Variants in ITGA4 observed in about 807,000 individuals in gnomAD.
ITGA4 encodes integrin alpha-4.
In ITGA4, 63 loss-of-function variants were observed where a neutral mutation model predicts 133.6. The observed-to-expected ratio is 0.47, with a 90% CI of 0.38 to 0.58. ITGA4 has a LOEUF of 0.58. Among genes scored for constraint, ITGA4 ranks in the 20% least tolerant of loss-of-function variants. ITGA4 has a pLI of 0.00. For synonymous variants in ITGA4, 483 were observed against 438.0 expected (o/e 1.10, Z -1.28); for missense variants, 1,076 against 1,252.7 (o/e 0.86, Z 2.13).
chr2:181,465,438 A>G (rs559583743), intron 2 of ITGA4, among the ~76,000 whole-genome samples: 5 of 151,834 alleles, frequency 3.3e-5, no homozygotes, highest in African/African-American at 7.3e-5. Flanking sequence ...TTTTTCAACC[A>G]TCCTACCCTG....
In ITGA4 at chr2:181,535,567, G is replaced by A. The variant is rs201934500; in HGVS notation, c.*40G>A. 5.2e-6 allele frequency: 8 copies of A among 1,547,968 alleles called. No individual in the cohort carries two copies. In the African/African-American group the frequency reaches 1.1e-4, roughly 21 times the overall value. ...TTGAGAGAATGGAAAACAGACTCAGGTTGTAGTAAAGAAATTTAAAAGACA... is the reference window on the plus strand; with the variant it reads ...TTGAGAGAATGGAAAACAGACTCAGATTGTAGTAAAGAAATTTAAAAGACA... On this transcript the variant is annotated 3_prime_UTR_variant, in exon 28 of 28. Coordinates refer to ENST00000397033, the MANE Select transcript of ITGA4 (RefSeq NM_000885.6).
At chr2:181,490,235 T>C (rs1686018833) in intron 10 of ITGA4, among the ~76,000 whole-genome samples, 1 of 152,308 alleles carries the variant, frequency 6.6e-6, no homozygotes, top group East Asian at 1.9e-4. Flanking sequence ...TTTTAGTTTT[T>C]ACTTTTTCTT....
intron 2 of ITGA4, among the ~76,000 whole-genome samples, chr2:181,470,070 A>T (rs1044301477): frequency 5.9e-5 from 9 of 152,208 alleles, no homozygotes; most frequent in South Asian, 4.1e-4. Flanking sequence ...ATAATAATAA[A>T]AAAAAAAGAT....
intron 2 of ITGA4, among the ~76,000 whole-genome samples, chr2:181,466,694 A>G (rs1490706969): frequency 6.6e-6 from 1 of 152,198 alleles, no homozygotes; most frequent in Non-Finnish European, 1.5e-5. Context: ...ATAGTTTAAT[A>G]TAGTCAATTA....
In ITGA4 at chr2:181,516,766, G is replaced by C. The variant is rs1686614618; in HGVS notation, c.1922+4991G>C. 6.6e-6 allele frequency among the ~76,000 whole-genome samples: 1 copy of C among 152,044 alleles called. No homozygotes were observed. Among genetic ancestry groups the C allele is most frequent in the Admixed American group, 6.6e-5 (1 of 15,228 alleles). On this transcript the variant is annotated intron_variant, in intron 17 of 27. Coordinates refer to ENST00000397033, the MANE Select transcript of ITGA4 (RefSeq NM_000885.6). The surrounding 1 kb of genome is among the most constrained non-coding windows in gnomAD (Gnocchi z 4.0). Reference sequence around the variant, plus strand: ...TGTCACCTGAATAATCTAGGGCTCTGTTGGCAGCTAAGAAGGGAAATCACT... The same window carrying C: ...TGTCACCTGAATAATCTAGGGCTCTCTTGGCAGCTAAGAAGGGAAATCACT...
At chr2:181,460,566 A>AATGTGTGTGTGTGTGTGTGTGT (rs79689303) in intron 2 of ITGA4, among the ~76,000 whole-genome samples, 34 of 148,070 alleles carry the variant, frequency 2.3e-4, no homozygotes, top group Admixed American at 8.1e-4. Context: ...TCTGTAGAAG[A>AATGTGTGTGTGTGTGTGTGTGT]GTGTGTGTGT....
In ITGA4 at chr2:181,524,167, A is replaced by G; in HGVS notation, c.2170-4A>G. 6.3e-7 allele frequency: 1 copy of G among 1,588,422 alleles called. No homozygotes were observed. Among genetic ancestry groups the G allele is most frequent in the Non-Finnish European group, 8.6e-7 (1 of 1,166,752 alleles). ...AATGGGCTTTCCTGGTCTGTGTTTTACAGATAGATATTAGCTTTCTCCTGG... is the reference window on the plus strand; with the variant it reads ...AATGGGCTTTCCTGGTCTGTGTTTTGCAGATAGATATTAGCTTTCTCCTGG... On this transcript the variant is annotated splice_polypyrimidine_tract_variant and splice_region_variant and intron_variant, in intron 19 of 27. Coordinates refer to ENST00000397033, the MANE Select transcript of ITGA4 (RefSeq NM_000885.6).
chr2:181,535,110 G>T (rs1687032867), intron 27 of ITGA4, among the ~76,000 whole-genome samples, 175 bp downstream of exon 27: 1 of 151,950 alleles, frequency 6.6e-6, no homozygotes, highest in African/African-American at 2.4e-5. Flanking sequence ...AGAAAAATAT[G>T]CATTCTTAAT....
intron 17 of ITGA4, among the ~76,000 whole-genome samples, chr2:181,514,198 G>C (rs1266005026): frequency 6.6e-6 from 1 of 152,088 alleles, no homozygotes; most frequent in Non-Finnish European, 1.5e-5. Context: ...TAAAAAGCAA[G>C]TTTATATGTG....
At chr2:181,466,317 A>G (rs1685412551) in intron 2 of ITGA4, among the ~76,000 whole-genome samples, 1 of 152,156 alleles carries the variant, frequency 6.6e-6, no homozygotes, top group African/African-American at 2.4e-5. Flanking sequence ...AGCTGAAATA[A>G]CTGGCTTTTT....
chr2:181,525,208 T>C lies in ITGA4; in HGVS notation c.2256T>C (p.Asn752=). Residue 752 remains asparagine (N), a synonymous_variant, in exon 21 of 28, where the codon AAT becomes AAC. Transcript: ENST00000397033. ...GTGTTTTCTGTTTGTATAGTGAAAA[T>C]GAAGAGGAAATGGACAATCTAAAGC... ...LSITVHATCE[N]EEEMDNLKHS... 1.3e-6 allele frequency: 2 copies of C among 1,593,728 alleles called. No homozygotes were observed. Among genetic ancestry groups the C allele is most frequent in the Non-Finnish European group, 1.7e-6 (2 of 1,162,376 alleles).
Position 181,535,488 on chromosome 2 carries a change from CAGTT to C in ITGA4, c.3061_3064del (p.Ser1021GlyfsTer27). 2 of 1,609,328 alleles carry C rather than the reference CAGTT, an allele frequency of 1.2e-6. No homozygotes were observed. The highest frequency in any genetic ancestry group is 1.7e-6 in the Non-Finnish European group (2 of 1,177,488). On this transcript the variant is annotated frameshift_variant, in exon 28 of 28. Transcript: ENST00000397033. LOFTEE classifies it high-confidence loss of function. ...TCCTACAAGAAGAAAACAGAAGAGA[CAGTT>C]GGAGTTATATCAACAGTAAAAGCAA...
chr2:181,514,458 A>G (rs1003486387), intron 17 of ITGA4, among the ~76,000 whole-genome samples: 1 of 152,084 alleles, frequency 6.6e-6, no homozygotes, highest in Non-Finnish European at 1.5e-5. Context: ...TGGATTTTAT[A>G]CTTAAATTAC....
At chr2:181,531,022 G>A (rs779791717) in intron 24 of ITGA4, among the ~76,000 whole-genome samples, 14 of 152,094 alleles carry the variant, frequency 9.2e-5, no homozygotes, top group Non-Finnish European at 1.9e-4. Flanking sequence ...GGCTGAGGCA[G>A]GAGAATTGCT....
chr2:181,468,949 G>C (rs888080183), intron 2 of ITGA4, among the ~76,000 whole-genome samples: 1 of 152,126 alleles, frequency 6.6e-6, no homozygotes, highest in Admixed American at 6.5e-5. Flanking sequence ...CCTCTTTTAT[G>C]TTAAACCATG....
chr2:181,511,276 A>C (rs2105757330), intron 16 of ITGA4, among the ~76,000 whole-genome samples: 1 of 152,266 alleles, frequency 6.6e-6, no homozygotes, highest in South Asian at 2.1e-4. Flanking sequence ...AGCTAATTTC[A>C]ATGAATATAA....
At chr2:181,485,772 C>T in intron 9 of ITGA4, 109 bp from the exon 10 acceptor site, 2 of 863,046 alleles carry the variant, frequency 2.3e-6, no homozygotes. Context: ...TGTAGTTTGT[C>T]CAACTTGTTT....
intron 22 of ITGA4, among the ~76,000 whole-genome samples, chr2:181,528,103 C>T (rs1170306127): frequency 9.9e-5 from 15 of 152,128 alleles, no homozygotes; most frequent in Admixed American, 9.2e-4. Context: ...GTGAGTAAAT[C>T]TTGGATTAGG....
intron 15 of ITGA4, among the ~76,000 whole-genome samples, chr2:181,508,621 A>G (rs1686441737): frequency 6.6e-6 from 1 of 152,012 alleles, no homozygotes; most frequent in Admixed American, 6.6e-5. Context: ...ACTTGAACCC[A>G]GGAGAGAGAG....
Sources: allele counts gnomAD v4.1 joint callset (sites outside exome capture counted in the v4.1 genomes callset), GRCh38; gene constraint gnomAD v4.1.1; non-coding constraint Gnocchi (gnomAD v3.1); transcripts MANE v1.5; gene names NCBI Gene and HGNC (gene_info 2026-07-23, HGNC 2026-07-21).